KLRF1: variants seen among roughly 807,000 people sequenced by gnomAD.
The protein encoded by KLRF1 is killer cell lectin-like receptor subfamily F member 1.
A neutral mutation model predicts 30.7 loss-of-function variants in KLRF1; 27 were observed. The ratio of observed to expected loss-of-function variants is 0.88; its 90% CI spans 0.65 to 1.21. The LOEUF is 1.21. Among genes scored for constraint, KLRF1 ranks in the 50% most tolerant of loss-of-function variants. The probability of loss-of-function intolerance (pLI) is 0.00; values close to 1 mark genes in which losing one functional copy is unlikely to be tolerated. For synonymous variants in KLRF1, 92 were observed against 89.3 expected (o/e 1.03, Z -0.17); for missense variants, 246 against 259.3 (o/e 0.95, Z 0.35).
intron 3 of KLRF1, among the ~76,000 whole-genome samples, chr12:9,836,468 G>C (rs749434672): frequency 3.7e-4 from 57 of 152,144 alleles, no homozygotes; most frequent in African/African-American, 1.3e-3. Context: ...ATCTTTGCTG[G>C]CAGGGGACCC....
At chr12:9,806,800 C>G in the KLRF1 span, among the ~76,000 whole-genome samples, 1 of 151,976 alleles carries the variant, frequency 6.6e-6, no homozygotes, top group Non-Finnish European at 1.5e-5. Flanking sequence ...TTCGCTTTAG[C>G]CTTCTTAGTA....
chr12:9,821,103 A>T, the KLRF1 span, among the ~76,000 whole-genome samples: 1 of 151,952 alleles, frequency 6.6e-6, no homozygotes, highest in African/African-American at 2.4e-5. Context: ...AGAAACAAAG[A>T]TCCTGAGGGC....
intron 5 of KLRF1, among the ~76,000 whole-genome samples, chr12:9,844,180 G>A (rs1029955133): frequency 8.5e-5 from 13 of 152,054 alleles, no homozygotes; most frequent in African/African-American, 2.4e-4. Context: ...TACTAGAATG[G>A]GAATGTGGAG....
chr12:9,802,074 T>C, the KLRF1 span, among the ~76,000 whole-genome samples: 1 of 151,998 alleles, frequency 6.6e-6, no homozygotes, highest in South Asian at 2.1e-4. Flanking sequence ...TGAACATCAA[T>C]GCAAAAATCC....
intron 1 of KLRF1, 101 bp downstream of exon 1, chr12:9,827,730 C>G: frequency 1.7e-6 from 1 of 600,164 alleles, no homozygotes; most frequent in African/African-American, 1.9e-5. Flanking sequence ...TATTTGGGTG[C>G]TTTTCTTTCT....
At chr12:9,812,996 G>T in the KLRF1 span, among the ~76,000 whole-genome samples, 1 of 152,172 alleles carries the variant, frequency 6.6e-6, no homozygotes, top group Admixed American at 6.5e-5. Flanking sequence ...AACTTCCATG[G>T]GGGATGGGCC....
the KLRF1 span, among the ~76,000 whole-genome samples, chr12:9,813,583 G>T: frequency 6.6e-6 from 1 of 151,960 alleles, no homozygotes; most frequent in East Asian, 1.9e-4. Context: ...CTTCAGGATG[G>T]CTGTCTACAG....
chr12:9,805,691 T>C, the KLRF1 span, among the ~76,000 whole-genome samples: 3 of 152,076 alleles, frequency 2.0e-5, no homozygotes, highest in Non-Finnish European at 4.4e-5. Flanking sequence ...CTGATTTAAT[T>C]TCTTTACTTT....
chr12:9,803,547 T>A, the KLRF1 span, among the ~76,000 whole-genome samples: 6,815 of 152,154 alleles, frequency 0.045, 305 homozygotes, highest in African/African-American at 0.12. Flanking sequence ...ATGAGTTTTA[T>A]GGTTTTGTGT....
At chr12:9,834,643 G>C (rs1404169540) in intron 3 of KLRF1, among the ~76,000 whole-genome samples, 1 of 151,972 alleles carries the variant, frequency 6.6e-6, no homozygotes, top group African/African-American at 2.4e-5. Context: ...GCAGATACAA[G>C]GTCCGAATAA....
chr12:9,816,838 A>C, the KLRF1 span, among the ~76,000 whole-genome samples: 2 of 148,068 alleles, frequency 1.4e-5, no homozygotes, highest in Admixed American at 6.9e-5. Flanking sequence ...GGTTCACGCC[A>C]TTCTCCTGCC....
chr12:9,831,709 A>G (rs778149939), intron 1 of KLRF1, among the ~76,000 whole-genome samples: 1 of 152,182 alleles, frequency 6.6e-6, no homozygotes, highest in Non-Finnish European at 1.5e-5. Flanking sequence ...AATAATAATC[A>G]TTGAACAAGC....
chr12:9,802,074 T>A, the KLRF1 span, among the ~76,000 whole-genome samples: 4 of 151,998 alleles, frequency 2.6e-5, 1 homozygote, highest in East Asian at 5.8e-4. Flanking sequence ...TGAACATCAA[T>A]GCAAAAATCC....
intron 1 of KLRF1, among the ~76,000 whole-genome samples, chr12:9,828,415 CTT>C (rs1867332512): frequency 6.6e-6 from 1 of 150,674 alleles, no homozygotes; most frequent in South Asian, 2.1e-4. Context: ...TTCTCAAAAA[CTT>C]TATGCTTTTC....
chr12:9,801,008 C>A, the KLRF1 span, among the ~76,000 whole-genome samples: 1 of 151,940 alleles, frequency 6.6e-6, no homozygotes, highest in Admixed American at 6.6e-5. Context: ...TCCCCCCATC[C>A]CCTGACTGGC....
the KLRF1 span, chr12:9,817,551 C>T: frequency 2.0e-4 from 70 of 344,182 alleles, no homozygotes; most frequent in Middle Eastern, 1.3e-3. Context: ...AGGGACTTTG[C>T]GCTTATGAGT....
intron 3 of KLRF1, among the ~76,000 whole-genome samples, chr12:9,837,597 G>T (rs1460906231): frequency 1.3e-5 from 2 of 152,076 alleles, no homozygotes; most frequent in Non-Finnish European, 2.9e-5. Context: ...TCATGAAACA[G>T]CTCATTCCCC....
chr12:9,806,336 T>C, the KLRF1 span, among the ~76,000 whole-genome samples: 1 of 152,134 alleles, frequency 6.6e-6, no homozygotes, highest in Non-Finnish European at 1.5e-5. Context: ...TATTTGTAAA[T>C]GTCAAAAATT....
chr12:9,831,059 T>C (rs1591753906), intron 1 of KLRF1, among the ~76,000 whole-genome samples: 1 of 152,090 alleles, frequency 6.6e-6, no homozygotes, highest in Non-Finnish European at 1.5e-5. Context: ...CAACCTGTAG[T>C]GCTTAGGAGA....
Sources: allele counts gnomAD v4.1 joint callset (sites outside exome capture counted in the v4.1 genomes callset), GRCh38; gene constraint gnomAD v4.1.1; transcripts MANE v1.5; gene names NCBI Gene and HGNC (gene_info 2026-07-23, HGNC 2026-07-21).